Variants in AGBL4 observed in about 807,000 individuals in gnomAD.
The protein encoded by AGBL4 is AGBL carboxypeptidase 4, also known as cytosolic carboxypeptidase 6.
Under a neutral mutation model 66.4 loss-of-function variants are expected in AGBL4, and 58 were observed. The observed-to-expected ratio is 0.87, with a 90% CI of 0.71 to 1.09. The LOEUF (loss-of-function observed/expected upper bound fraction) is 1.09. Among genes scored for constraint, AGBL4 ranks in the 50% least tolerant of loss-of-function variants. The probability of loss-of-function intolerance (pLI) is 0.00; values close to 1 mark genes in which losing one functional copy is unlikely to be tolerated. For synonymous variants in AGBL4, 234 were observed against 222.9 expected (o/e 1.05, Z -0.44); for missense variants, 579 against 631.0 (o/e 0.92, Z 0.88).
At chr1:49,403,579 G>GC (rs1355104512) in intron 3 of AGBL4, among the ~76,000 whole-genome samples, 1 of 151,994 alleles carries the variant, frequency 6.6e-6, no homozygotes, top group African/African-American at 2.4e-5. Context: ...CTTTCTCCAG[G>GC]ATTTGTCCAC....
chr1:48,741,295 T>C (rs138187614), intron 6 of AGBL4, among the ~76,000 whole-genome samples: 278 of 152,304 alleles, frequency 1.8e-3, no homozygotes, highest in African/African-American at 6.4e-3. Flanking sequence ...AGAGCATCAA[T>C]CCAATCCCAT....
chr1:48,985,768 TA>T (rs538280684), intron 5 of AGBL4, among the ~76,000 whole-genome samples: 1 of 150,444 alleles, frequency 6.6e-6, no homozygotes, highest in African/African-American at 2.4e-5. Context: ...TGCTATATAA[TA>T]AAAAAAAGCA....
At chr1:49,919,819 C>A (rs9661276) in intron 1 of AGBL4, among the ~76,000 whole-genome samples, 2 of 151,606 alleles carry the variant, frequency 1.3e-5, no homozygotes, top group African/African-American at 4.9e-5. Flanking sequence ...GGAGGCATCA[C>A]GCTACCTGAC....
intron 11 of AGBL4, among the ~76,000 whole-genome samples, chr1:48,558,715 C>T (rs890271539): frequency 6.6e-6 from 1 of 152,208 alleles, no homozygotes; most frequent in Non-Finnish European, 1.5e-5. Context: ...CGGTTGAGGA[C>T]AGAGAGCTTC....
At chr1:48,659,928 C>A (rs1028731022) in intron 7 of AGBL4, among the ~76,000 whole-genome samples, 2 of 152,220 alleles carry the variant, frequency 1.3e-5, no homozygotes, top group Non-Finnish European at 2.9e-5. Context: ...GGCAGGATTT[C>A]TATTATTATT....
At chr1:48,999,536 G>A (rs1661247389) in intron 5 of AGBL4, among the ~76,000 whole-genome samples, 1 of 152,162 alleles carries the variant, frequency 6.6e-6, no homozygotes, top group African/African-American at 2.4e-5. Flanking sequence ...AGAAGTGAAA[G>A]GAATGCACTT....
chr1:48,702,245 C>T (rs1327791381), intron 6 of AGBL4, among the ~76,000 whole-genome samples: 1 of 152,072 alleles, frequency 6.6e-6, no homozygotes, highest in African/African-American at 2.4e-5. Context: ...CCCTCCCTCT[C>T]CCTGGCCCTA....
chr1:49,115,760 T>A (rs1645506450), intron 4 of AGBL4, among the ~76,000 whole-genome samples: 1 of 152,258 alleles, frequency 6.6e-6, no homozygotes, highest in Admixed American at 6.5e-5. Flanking sequence ...AATTCTAAGA[T>A]ACAAATCCCC....
intron 5 of AGBL4, among the ~76,000 whole-genome samples, chr1:48,894,041 C>T (rs1651265203): frequency 6.6e-6 from 1 of 152,186 alleles, no homozygotes; most frequent in Admixed American, 6.5e-5. Context: ...TGTTGGCCAA[C>T]ATCAGGAGGC....
rs1553174519 is a variant in AGBL4, at chr1:49,266,629, A to ACG, written c.283-20767_283-20766dup. 1.3e-4 allele frequency among the ~76,000 whole-genome samples: 19 copies of ACG among 151,378 alleles called. 1 individual carries two copies. Among genetic ancestry groups the ACG allele is most frequent in the African/African-American group, 4.1e-4 (17 of 41,118 alleles). On this transcript the variant is annotated intron_variant, in intron 3 of 13. Coordinates refer to ENST00000371839, the MANE Select transcript of AGBL4 (RefSeq NM_032785.4). ...CTGTAACACACACACACACACACAC[A>ACG]CGCGAAGGTAGAGTCTGTAGCCAGC...
At chr1:49,669,826 T>A (rs2124520263) in intron 3 of AGBL4, among the ~76,000 whole-genome samples, 1 of 152,172 alleles carries the variant, frequency 6.6e-6, no homozygotes, top group African/African-American at 2.4e-5. Flanking sequence ...CATATATTGC[T>A]CAGATCTATA....
intron 3 of AGBL4, among the ~76,000 whole-genome samples, chr1:49,319,862 C>A (rs962927688): frequency 3.3e-5 from 5 of 152,098 alleles, no homozygotes; most frequent in African/African-American, 1.2e-4. Flanking sequence ...TAGGCTGAAG[C>A]CCTCAAGGCC....
intron 6 of AGBL4, among the ~76,000 whole-genome samples, chr1:48,853,724 A>G (rs938456687): frequency 6.6e-6 from 1 of 152,178 alleles, no homozygotes; most frequent in Admixed American, 6.5e-5. Context: ...TATCCTTCAG[A>G]TTCCCATGAG....
At chr1:49,724,741 T>G (rs1203316853) in intron 2 of AGBL4, among the ~76,000 whole-genome samples, 1 of 152,060 alleles carries the variant, frequency 6.6e-6, no homozygotes, top group Non-Finnish European at 1.5e-5. Flanking sequence ...AGGATTAGTG[T>G]TCTTATAAGA....
intron 3 of AGBL4, among the ~76,000 whole-genome samples, chr1:49,272,334 A>T (rs1451252238): frequency 6.6e-6 from 1 of 152,190 alleles, no homozygotes; most frequent in African/African-American, 2.4e-5. Context: ...AAATGCTAAT[A>T]ATTTAAATTA....
chr1:49,623,446 T>G (rs561078144), intron 3 of AGBL4, among the ~76,000 whole-genome samples: 1 of 152,358 alleles, frequency 6.6e-6, no homozygotes, highest in Admixed American at 6.5e-5. Flanking sequence ...CTCAGATGCT[T>G]CTTCTTTCCT....
intron 1 of AGBL4, among the ~76,000 whole-genome samples, chr1:49,993,859 C>T (rs1399528284): frequency 6.6e-6 from 1 of 152,102 alleles, no homozygotes; most frequent in African/African-American, 2.4e-5. Flanking sequence ...CTGTTGTAAA[C>T]TCCTGGGATT....
intron 1 of AGBL4, among the ~76,000 whole-genome samples, chr1:49,889,785 T>C (rs541791292): frequency 9.2e-5 from 14 of 152,176 alleles, no homozygotes; most frequent in Admixed American, 9.2e-4. Flanking sequence ...TCAGGTTTTC[T>C]AATCTTCTAA....
At chr1:49,581,858 G>A (rs868445950) in intron 3 of AGBL4, among the ~76,000 whole-genome samples, 24 of 152,132 alleles carry the variant, frequency 1.6e-4, no homozygotes, top group African/African-American at 5.6e-4. Flanking sequence ...AGTGCTATAC[G>A]AGGCAAGTGA....
Sources: gnomAD v4.1 joint callset for allele counts (sites outside exome capture counted in the v4.1 genomes callset) on GRCh38, gnomAD v4.1.1 for gene constraint, MANE v1.5 for transcripts, NCBI Gene and HGNC (gene_info 2026-07-23, HGNC 2026-07-21) for gene names.